MEGF6: variants seen among roughly 807,000 people sequenced by gnomAD.
MEGF6 encodes multiple epidermal growth factor-like domains protein 6.
Under a neutral mutation model 207.1 loss-of-function variants are expected in MEGF6, and 184 were observed. The observed-to-expected ratio is 0.89, with a 90% CI of 0.79 to 1.00. The LOEUF is 1.00. Ranked by LOEUF, MEGF6 falls within the 50% of genes least tolerant of loss-of-function variation. The pLI, the probability that MEGF6 is intolerant of heterozygous loss-of-function variation, is 0.00. For synonymous variants in MEGF6, 1,038 were observed against 910.0 expected, an observed-to-expected ratio of 1.14 and a Z score of -2.53; for missense variants, 2,282 against 2,202.9, an observed-to-expected ratio of 1.04 and a Z score of -0.72.
chr1:3,578,112 G>C (rs1643692529), intron 4 of MEGF6, among the ~76,000 whole-genome samples: 1 of 152,110 alleles, frequency 6.6e-6, no homozygotes, highest in East Asian at 1.9e-4. Context: ...CCCTCCCAGA[G>C]GACACGGCCA....
At chr1:3,590,524 C>G (rs1289244560) in intron 3 of MEGF6, among the ~76,000 whole-genome samples, 1 of 152,178 alleles carries the variant, frequency 6.6e-6, no homozygotes, top group Admixed American at 6.5e-5. Context: ...GTAAGTGGCT[C>G]TCAGGGAAAT....
chr1:3,572,533 T>G lies in MEGF6; in HGVS notation c.481+7292A>C, dbSNP rs544496669. ...CTGAGTCCTTCCTGAGTGTGTTAGG[T>G]TCTCCCAGGTATGCTGGGTTCTCTC... On this transcript the variant is annotated intron_variant, in intron 4 of 36. Transcript: ENST00000356575. 4.8e-5 allele frequency among the ~76,000 whole-genome samples: 7 copies of G among 145,230 alleles called. No individual in the cohort carries two copies. In the South Asian group the frequency reaches 1.1e-3, roughly 24 times the overall value.
chr1:3,544,446 C>T (rs567921772), intron 4 of MEGF6, among the ~76,000 whole-genome samples: 22 of 152,294 alleles, frequency 1.4e-4, no homozygotes, highest in African/African-American at 5.1e-4. Flanking sequence ...GGGGCCTCTC[C>T]GTTGGCTTCC....
chr1:3,491,091 A>C, intron 35 of MEGF6, 132 bp from the exon 36 acceptor site: 1 of 463,312 alleles, frequency 2.2e-6, no homozygotes. Context: ...TTCCCTTCTC[A>C]GTCCTTTGCA....
rs1318512965 is a variant in MEGF6, at chr1:3,572,037, CGGGTGTGCTGGGTCTTTCCT to C, written c.481+7768_481+7787del. On this transcript the variant is annotated intron_variant, in intron 4 of 36. Transcript: ENST00000356575. ...CTTCCTGAGTGTGCTAGGTCCTTCC[CGGGTGTGCTGGGTCTTTCCT>C]GGGTGTGCTGGGTCCTTCCTGGTAT... is the stretch of plus-strand genomic sequence containing the variant. Among the ~76,000 whole-genome samples, 300 of 130,376 alleles carry C rather than the reference CGGGTGTGCTGGGTCTTTCCT, an allele frequency of 2.3e-3. 1 individual carries two copies. Among genetic ancestry groups the C allele is most frequent in the Non-Finnish European group, 3.8e-3 (238 of 62,240 alleles). 85.5% of individuals were successfully genotyped at this position (130,376 alleles called of 152,430 possible).
In MEGF6 at chr1:3,538,445, G is replaced by A. The variant is rs1304784630; in HGVS notation, c.482-14199C>T. Among the ~76,000 whole-genome samples the A allele has an allele frequency of 2.0e-5, 3 of 152,242 alleles. No individual in the cohort carries two copies. The East Asian group carries it at 5.8e-4, about 29-fold the overall frequency. On this transcript the variant is annotated intron_variant, in intron 4 of 36. Coordinates refer to ENST00000356575, the MANE Select transcript of MEGF6 (RefSeq NM_001409.4). Reference sequence around the variant, plus strand: ...CCACTCCTCGCCCAAGCCAAAGGAAGGAAAATTGAAACCACCGCTGTTTCC... The same window carrying A: ...CCACTCCTCGCCCAAGCCAAAGGAAAGAAAATTGAAACCACCGCTGTTTCC...
At position 3,500,682 on chromosome 1, in the gene MEGF6, G is replaced by A. The variant is rs758097763; in HGVS notation, c.2658C>T (p.Ser886=). 26 of 1,576,530 alleles carry A rather than the reference G, an allele frequency of 1.6e-5. No individual in the cohort carries two copies. The highest frequency in any genetic ancestry group is 2.3e-5 in the East Asian group (1 of 42,582). Residue 886 remains serine (S), a synonymous_variant, in exon 21 of 37, where the codon AGC becomes AGT. Coordinates refer to ENST00000356575, the MANE Select transcript of MEGF6 (RefSeq NM_001409.4). ...SAGHGSCDAI[S]GLCLCEAGYV... is the part of the protein sequence containing the mutation. Reference sequence around the variant, plus strand: ...AGCCAGCCTCACACAGACACAGGCCGCTGATGGCATCACAGCTCCCGTGGC... The same window carrying A: ...AGCCAGCCTCACACAGACACAGGCCACTGATGGCATCACAGCTCCCGTGGC...
At chr1:3,553,060 C>T (rs1344055236) in intron 4 of MEGF6, among the ~76,000 whole-genome samples, 1 of 152,162 alleles carries the variant, frequency 6.6e-6, no homozygotes, top group Non-Finnish European at 1.5e-5. Flanking sequence ...TGGCCAGGGG[C>T]CTCAAAGGTA....
chr1:3,578,050 T>C (rs899859738), intron 4 of MEGF6, among the ~76,000 whole-genome samples: 1 of 152,192 alleles, frequency 6.6e-6, no homozygotes, highest in Non-Finnish European at 1.5e-5. Context: ...AGGAGGGGAC[T>C]GACGGTGGGC....
At chr1:3,579,987 G>GCAGGGGGAGT in intron 3 of MEGF6, 58 bp from the exon 4 acceptor site, 1 of 1,295,874 alleles carries the variant, frequency 7.7e-7, no homozygotes, top group Non-Finnish European at 1.0e-6. Flanking sequence ...GCAGGGGGAG[G>GCAGGGGGAGT]TGAGGCCTGA....
intron 4 of MEGF6, among the ~76,000 whole-genome samples, chr1:3,561,371 C>G (rs900619590): frequency 6.6e-6 from 1 of 152,174 alleles, no homozygotes; most frequent in Admixed American, 6.5e-5. Context: ...CTGAAGGTTC[C>G]CACACAGGAC....
chr1:3,569,695 C>T (rs764185562), intron 4 of MEGF6, among the ~76,000 whole-genome samples: 5 of 152,216 alleles, frequency 3.3e-5, no homozygotes, highest in South Asian at 2.1e-4. Flanking sequence ...GGCCTGCCAC[C>T]GGGCTCAGTG....
intron 4 of MEGF6, among the ~76,000 whole-genome samples, chr1:3,541,829 C>T (rs1642533749): frequency 6.6e-6 from 1 of 152,084 alleles, no homozygotes; most frequent in South Asian, 2.1e-4. Context: ...CTGGGGGCAC[C>T]GTGGGGGGAG....
chr1:3,538,160 C>T (rs1051070492), intron 4 of MEGF6, among the ~76,000 whole-genome samples: 1 of 152,236 alleles, frequency 6.6e-6, no homozygotes, highest in African/African-American at 2.4e-5. Context: ...GGTTTCCAAC[C>T]GTTGACCTCC....
intron 1 of MEGF6, among the ~76,000 whole-genome samples, chr1:3,606,112 G>A (rs1339165232): frequency 6.6e-6 from 1 of 152,240 alleles, no homozygotes; most frequent in African/African-American, 2.4e-5. Context: ...ACATCTTGGA[G>A]GGCAGAACTC....
chr1:3,514,334 G>C (rs911936157), intron 7 of MEGF6, among the ~76,000 whole-genome samples: 1 of 152,028 alleles, frequency 6.6e-6, no homozygotes, highest in Non-Finnish European at 1.5e-5. Context: ...AATGAGCCTC[G>C]GGCTGGGAGC....
At position 3,571,452 on chromosome 1, in the gene MEGF6, C is replaced by T. The variant is rs183211980; in HGVS notation, c.481+8373G>A. The stretch of plus-strand genomic sequence containing the variant: ...TGAGTAAGGACATCCCCCCCAGACA[C>T]GCTGGGTCCTCCCCAAGGGTGCTGG... On this transcript the variant is annotated intron_variant, in intron 4 of 36. Transcript: ENST00000356575. Among the ~76,000 whole-genome samples, 11 of 152,094 alleles carry T rather than the reference C, an allele frequency of 7.2e-5. No individual in the cohort carries two copies. The East Asian group carries it at 9.7e-4, about 13-fold the overall frequency.
In MEGF6 at chr1:3,607,915, C is replaced by T. The variant is rs764456190; in HGVS notation, c.131+3223G>A. ...GGCAGCGACAGTCTGGGCCCAGCGA[C>T]GGCATCACCAGGTTGGGGAGGGCGG... On this transcript the variant is annotated intron_variant, in intron 1 of 36. Coordinates refer to ENST00000356575, the MANE Select transcript of MEGF6 (RefSeq NM_001409.4). 3.9e-5 allele frequency among the ~76,000 whole-genome samples: 6 copies of T among 152,306 alleles called. No individual in the cohort carries two copies. The South Asian group carries it at 6.2e-4, about 16-fold the overall frequency.
intron 4 of MEGF6, among the ~76,000 whole-genome samples, chr1:3,557,650 G>C (rs773190463): frequency 1.3e-5 from 2 of 152,308 alleles, no homozygotes; most frequent in South Asian, 4.1e-4. Context: ...CTCATCCCTC[G>C]CTCACTCCCA....
Sources: gnomAD v4.1 joint callset for allele counts (sites outside exome capture counted in the v4.1 genomes callset) on GRCh38, gnomAD v4.1.1 for gene constraint, MANE v1.5 for transcripts, NCBI Gene and HGNC (gene_info 2026-07-23, HGNC 2026-07-21) for gene names.